Variants in OR2T6 observed in about 807,000 individuals in gnomAD.
OR2T6 encodes the protein olfactory receptor 2T6.
For missense variants in OR2T6, 424 were observed against 391.6 expected (o/e 1.08, Z -0.70); for synonymous variants, 174 against 148.0 (o/e 1.18, Z -1.27).
intron 2 of OR2T6, among the ~76,000 whole-genome samples, chr1:248,385,624 C>G (rs1205565388): frequency 6.6e-6 from 1 of 152,170 alleles, no homozygotes; most frequent in Non-Finnish European, 1.5e-5. Context: ...ACTCACAAGA[C>G]AATGCACAAG....
At position 248,388,325 on chromosome 1, in the gene OR2T6, C is replaced by G; in HGVS notation, c.717C>G (p.Ala239=). The part of the protein sequence containing the change: ...TSAEGRKKAF[A]TCSSHMMVVT... ...CTGAAGGGAGGAAGAAGGCCTTTGC[C>G]ACCTGCTCTTCACACATGATGGTGG... The change falls in exon 3 of 3, where the codon GCC becomes GCG. Residue 239 remains alanine (A), a synonymous_variant. Transcript: ENST00000641644. 1 of 1,613,600 alleles carries G rather than the reference C, an allele frequency of 6.2e-7. No individual in the cohort carries two copies. Among genetic ancestry groups the G allele is most frequent in the South Asian group, 1.1e-5 (1 of 91,022 alleles).
chr1:248,382,536 C>CT (rs1553310854), intron 1 of OR2T6, among the ~76,000 whole-genome samples: 26 of 60,514 alleles, frequency 4.3e-4, no homozygotes, highest in Non-Finnish European at 5.4e-4. Context: ...TTCTTTCTTT[C>CT]TTTTTTTTTT....
chr1:248,376,870 A>C (rs1212249354), intron 1 of OR2T6, among the ~76,000 whole-genome samples: 1 of 152,120 alleles, frequency 6.6e-6, no homozygotes, highest in African/African-American at 2.4e-5. Context: ...TGAGTATATA[A>C]ATGTTGAGCT....
intron 2 of OR2T6, among the ~76,000 whole-genome samples, chr1:248,385,525 C>T (rs28738670): frequency 0.4 from 60,403 of 152,064 alleles, 14,315 homozygotes; most frequent in Non-Finnish European, 0.53. Context: ...TAGTCTTTTA[C>T]GAGTCCATAT....
chr1:248,376,418 C>G (rs1558303386), intron 1 of OR2T6, among the ~76,000 whole-genome samples: 1 of 152,160 alleles, frequency 6.6e-6, no homozygotes, highest in African/African-American at 2.4e-5. Flanking sequence ...TAGACAAAAA[C>G]TTAGTTGTCA....
chr1:248,376,511 A>G, intron 1 of OR2T6, among the ~76,000 whole-genome samples: 1 of 152,220 alleles, frequency 6.6e-6, no homozygotes, highest in East Asian at 1.9e-4. Context: ...TACATTTTTC[A>G]GGGAAAAGTG....
At chr1:248,386,949 T>C (rs973407602) in intron 2 of OR2T6, among the ~76,000 whole-genome samples, 4 of 152,232 alleles carry the variant, frequency 2.6e-5, no homozygotes, top group Non-Finnish European at 5.9e-5. Flanking sequence ...ATTCATATTC[T>C]TTTTATTTAC....
rs779335423 is a variant in OR2T6, at chr1:248,387,829, T to A, written c.221T>A (p.Ile74Asn). ...SHLSVIDTLYISTIVPKMLVD... is the reference protein window; with the variant it reads ...SHLSVIDTLYNSTIVPKMLVD... ...CTCTCCGTCATTGACACATTATACA[T>A]CTCCACCATTGTGCCCAAGATGCTG... Residue 74 changes from isoleucine (I) to asparagine (N), a missense_variant, in exon 3 of 3, where the codon ATC becomes AAC. Ile to Asn is a moderately radical substitution (Grantham distance 149). Coordinates refer to ENST00000641644, the MANE Select transcript of OR2T6 (RefSeq NM_001005471.2). The A allele has an allele frequency of 1.2e-6, 2 of 1,605,164 alleles. No homozygotes were observed. Among genetic ancestry groups the A allele is most frequent in the South Asian group, 2.2e-5 (2 of 90,530 alleles).
chr1:248,388,319 CT>C lies in OR2T6; in HGVS notation c.714del (p.Phe238LeufsTer8). 6.2e-7 allele frequency: 1 copy of C among 1,613,720 alleles called. No individual in the cohort carries two copies. On this transcript the variant is annotated frameshift_variant, in exon 3 of 3. Coordinates refer to ENST00000641644, the MANE Select transcript of OR2T6 (RefSeq NM_001005471.2). LOFTEE classifies it low-confidence loss of function (END_TRUNC). ...MTSAEGRKKA[F>X]ATCSSHMMVV... ...CATCGGCTGAAGGGAGGAAGAAGGC[CT>C]TTGCCACCTGCTCTTCACACATGAT...
chr1:248,378,103 A>G (rs778406877), intron 1 of OR2T6, among the ~76,000 whole-genome samples: 1 of 152,162 alleles, frequency 6.6e-6, no homozygotes, highest in Non-Finnish European at 1.5e-5. Context: ...TAATGTCTTC[A>G]TATATTATTC....
At chr1:248,376,864 T>C (rs891874224) in intron 1 of OR2T6, among the ~76,000 whole-genome samples, 1 of 152,202 alleles carries the variant, frequency 6.6e-6, no homozygotes, top group Admixed American at 6.5e-5. Context: ...TGTCTATGAG[T>C]ATATAAATGT....
intron 1 of OR2T6, among the ~76,000 whole-genome samples, chr1:248,381,285 GA>G (rs34877793): frequency 6.0e-4 from 90 of 149,036 alleles, no homozygotes; most frequent in Middle Eastern, 3.5e-3. Flanking sequence ...ATAGGCTCCA[GA>G]AAAAAAAAAT....
intron 1 of OR2T6, among the ~76,000 whole-genome samples, chr1:248,382,782 C>G (rs1661062290): frequency 6.6e-6 from 1 of 152,110 alleles, no homozygotes; most frequent in African/African-American, 2.4e-5. Flanking sequence ...CTTTGGCCTC[C>G]CAAAATGCTG....
intron 2 of OR2T6, among the ~76,000 whole-genome samples, chr1:248,386,536 C>CA (rs763607913): frequency 1.5e-4 from 23 of 152,040 alleles, no homozygotes; most frequent in Non-Finnish European, 3.2e-4. Flanking sequence ...AAGAAAAAAA[C>CA]AGAAAGATCA....
chr1:248,386,306 G>C (rs982096314), intron 2 of OR2T6, among the ~76,000 whole-genome samples: 1 of 152,102 alleles, frequency 6.6e-6, no homozygotes, highest in East Asian at 1.9e-4. Flanking sequence ...ATTGTGTATG[G>C]TTTCCTGCCT....
At chr1:248,383,672 A>G (rs1661082343) in intron 1 of OR2T6, among the ~76,000 whole-genome samples, 1 of 116,870 alleles carries the variant, frequency 8.6e-6, no homozygotes, top group Non-Finnish European at 1.7e-5. Context: ...TGGGTAAAGC[A>G]CTGCACTAGC....
At chr1:248,383,307 C>T in intron 1 of OR2T6, among the ~76,000 whole-genome samples, 1 of 122,630 alleles carries the variant, frequency 8.2e-6, no homozygotes, top group East Asian at 2.9e-4. Context: ...GATGTGTTTC[C>T]TAATGTTATT....
chr1:248,379,872 A>AT (rs1033301776), intron 1 of OR2T6, among the ~76,000 whole-genome samples: 2 of 151,448 alleles, frequency 1.3e-5, no homozygotes, highest in African/African-American at 4.9e-5. Context: ...TTTTTGATTT[A>AT]TTTTTATCAT....
At chr1:248,380,000 G>A in intron 1 of OR2T6, among the ~76,000 whole-genome samples, 1 of 151,832 alleles carries the variant, frequency 6.6e-6, no homozygotes, top group East Asian at 1.9e-4. Flanking sequence ...ATCTCCTAAT[G>A]CTGTCCCTCC....
Sources: gnomAD v4.1 joint callset for allele counts (sites outside exome capture counted in the v4.1 genomes callset) on GRCh38, gnomAD v4.1.1 for gene constraint, MANE v1.5 for transcripts, NCBI Gene and HGNC (gene_info 2026-07-23, HGNC 2026-07-21) for gene names.